The following ANO2 variants were observed in gnomAD, a reference collection of about 807,000 sequenced individuals.
ANO2 encodes the protein anoctamin 2.
ANO2 carries 101 observed loss-of-function variants against 124.2 expected under a neutral mutation model. That is an observed-to-expected ratio of 0.81 (90% confidence interval 0.69 to 0.96). The LOEUF (loss-of-function observed/expected upper bound fraction) is 0.96, where lower values mean the gene tolerates loss of function less well. ANO2 is among the 40% of genes least tolerant of loss of function. The pLI, the probability that ANO2 is intolerant of heterozygous loss-of-function variation, is 0.00. For missense variants in ANO2, 1,293 were observed against 1,274.5 expected (o/e 1.01, Z -0.22); for synonymous variants, 486 against 482.5 (o/e 1.01, Z -0.09).
In ANO2 at chr12:5,636,791, T is replaced by TG. The variant is rs1946039375; in HGVS notation, c.1621-1445dup. ...GAATGACACTCCAGTGGCTTGCTAA[T>TG]GGGTGGCAGATGTGTCCAGGTATGG... On this transcript the variant is annotated intron_variant, in intron 15 of 24. Coordinates refer to ENST00000682330, the MANE Select transcript of ANO2 (RefSeq NM_001364791.2). This position sits in a 1 kb window ranked among gnomAD's most constrained non-coding sequence, Gnocchi z 4.6. 6.6e-6 allele frequency among the ~76,000 whole-genome samples: 1 copy of TG among 151,992 alleles called. No homozygotes were observed. Among genetic ancestry groups the TG allele is most frequent in the African/African-American group, 2.4e-5 (1 of 41,400 alleles).
intron 3 of ANO2, among the ~76,000 whole-genome samples, chr12:5,888,918 C>T (rs563538999): frequency 5.9e-5 from 9 of 152,322 alleles, no homozygotes; most frequent in South Asian, 4.1e-4. Flanking sequence ...CTTGGGTGGT[C>T]GAAGGGACTG....
intron 14 of ANO2, among the ~76,000 whole-genome samples, chr12:5,708,863 A>T (rs1466050245): frequency 3.3e-5 from 5 of 152,238 alleles, no homozygotes; most frequent in Admixed American, 2.0e-4. Flanking sequence ...AGACTAGCCT[A>T]GCTTCTCCTG....
At chr12:5,928,595 AT>A (rs1942208054) in intron 1 of ANO2, among the ~76,000 whole-genome samples, 11 of 144,838 alleles carry the variant, frequency 7.6e-5, no homozygotes, top group African/African-American at 1.6e-4. Context: ...TTACTAGTCT[AT>A]CTTCTTTCCT....
chr12:5,647,354 C>T (rs16933703), intron 15 of ANO2, among the ~76,000 whole-genome samples: 7,763 of 152,296 alleles, frequency 0.051, 223 homozygotes, highest in South Asian at 0.068. Flanking sequence ...AAGGATCACA[C>T]TTACCGAGCC....
At chr12:5,914,508 G>C (rs550612515) in intron 3 of ANO2, among the ~76,000 whole-genome samples, 2 of 152,262 alleles carry the variant, frequency 1.3e-5, no homozygotes, top group East Asian at 3.9e-4. Context: ...CCCGAAAGCA[G>C]CTGTGGGCCC....
chr12:5,925,718 C>T lies in ANO2; in HGVS notation c.23-2914G>A, dbSNP rs781207355. 2.0e-5 allele frequency among the ~76,000 whole-genome samples: 3 copies of T among 152,218 alleles called. No homozygotes were observed. The highest frequency in any genetic ancestry group is 2.9e-5 in the Non-Finnish European group (2 of 68,044). On this transcript the variant is annotated intron_variant, in intron 1 of 24. Transcript: ENST00000682330. The surrounding 1 kb of genome is among the most constrained non-coding windows in gnomAD (Gnocchi z 4.6). ...TGGAAAGAATCTTTCCTTCCTTCACCGTTGCCTTGGCTCTCCTTCCACGCT... is the reference window on the plus strand; with the variant it reads ...TGGAAAGAATCTTTCCTTCCTTCACTGTTGCCTTGGCTCTCCTTCCACGCT...
chr12:5,740,019 G>C (rs986429835), intron 12 of ANO2: 1 of 454,566 alleles, frequency 2.2e-6, no homozygotes, highest in Non-Finnish European at 4.4e-6. Flanking sequence ...GTTGTAGAAT[G>C]CCTGCCACAC....
intron 10 of ANO2, among the ~76,000 whole-genome samples, chr12:5,760,516 A>G (rs1951707221): frequency 6.6e-6 from 1 of 152,214 alleles, no homozygotes; most frequent in Admixed American, 6.5e-5. Flanking sequence ...TACCTATGGT[A>G]AGATCTAATT....
intron 14 of ANO2, among the ~76,000 whole-genome samples, chr12:5,662,044 G>A (rs558707375): frequency 1.3e-5 from 2 of 152,330 alleles, no homozygotes; most frequent in South Asian, 4.1e-4. Flanking sequence ...CCACCCTCAA[G>A]CTGATTACAG....
intron 10 of ANO2, among the ~76,000 whole-genome samples, chr12:5,786,445 C>T (rs1044338558): frequency 2.0e-5 from 3 of 152,082 alleles, no homozygotes; most frequent in Non-Finnish European, 2.9e-5. Context: ...TTGAAAGAGG[C>T]CTCAGACATG....
intron 7 of ANO2, among the ~76,000 whole-genome samples, chr12:5,808,003 G>C (rs940048939): frequency 1.3e-5 from 2 of 152,236 alleles, no homozygotes; most frequent in Non-Finnish European, 2.9e-5. Context: ...ATAGTGGGGT[G>C]TTGTGGCACA....
chr12:5,635,642 A>T lies in ANO2; in HGVS notation c.1621-295T>A, dbSNP rs542304343. Among the ~76,000 whole-genome samples, 8 of 149,238 alleles carry T rather than the reference A, an allele frequency of 5.4e-5. No individual in the cohort carries two copies. The highest frequency in any genetic ancestry group is 1.3e-4 in the Admixed American group (2 of 15,098). On this transcript the variant is annotated intron_variant, in intron 15 of 24. Coordinates refer to ENST00000682330, the MANE Select transcript of ANO2 (RefSeq NM_001364791.2). This position sits in a 1 kb window ranked among gnomAD's most constrained non-coding sequence, Gnocchi z 5.2. ...ACACACACACACAATAAGGATGAAC[A>T]TGCTGGACCCTGTGGAGTGTTCAAC...
At chr12:5,570,668 C>T (rs572282746) in intron 23 of ANO2, among the ~76,000 whole-genome samples, 5 of 152,190 alleles carry the variant, frequency 3.3e-5, no homozygotes, top group East Asian at 1.9e-4. Context: ...CTGAAGTCAA[C>T]GATCAGTAAC....
intron 14 of ANO2, among the ~76,000 whole-genome samples, chr12:5,649,889 T>TCCGC (rs1363461314): frequency 1.3e-5 from 2 of 152,156 alleles, no homozygotes; most frequent in Admixed American, 1.3e-4. Context: ...CGTGATCTGA[T>TCCGC]CCGCCTGCCT....
chr12:5,781,437 G>A (rs925232695), intron 10 of ANO2, among the ~76,000 whole-genome samples: 2 of 152,184 alleles, frequency 1.3e-5, no homozygotes, highest in Non-Finnish European at 2.9e-5. Flanking sequence ...CTGTTTCTCT[G>A]ATGTTGGTTA....
chr12:5,609,476 G>C (rs1944376629), intron 19 of ANO2, among the ~76,000 whole-genome samples: 1 of 150,572 alleles, frequency 6.6e-6, no homozygotes, highest in African/African-American at 2.5e-5. Context: ...CCTTGAAGCA[G>C]GGCTCTCATT....
chr12:5,885,164 G>A (rs999972463), intron 3 of ANO2, among the ~76,000 whole-genome samples: 8 of 152,134 alleles, frequency 5.3e-5, no homozygotes, highest in East Asian at 3.9e-4. Flanking sequence ...CCACCACCCC[G>A]TCCCCACTCC....
At chr12:5,684,201 A>G (rs1007156389) in intron 14 of ANO2, among the ~76,000 whole-genome samples, 4 of 152,178 alleles carry the variant, frequency 2.6e-5, no homozygotes, top group Admixed American at 2.6e-4. Context: ...TCTGTCAGCA[A>G]GCAGCCCCAC....
At chr12:5,812,920 AAG>A (rs764172194) in intron 7 of ANO2, among the ~76,000 whole-genome samples, 57 of 145,830 alleles carry the variant, frequency 3.9e-4, no homozygotes, top group African/African-American at 1.4e-3. Flanking sequence ...AAGAAAAAGA[AAG>A]AGAGAGAAAG....
Sources: allele counts gnomAD v4.1 joint callset (sites outside exome capture counted in the v4.1 genomes callset), GRCh38; gene constraint gnomAD v4.1.1; non-coding constraint Gnocchi (gnomAD v3.1); transcripts MANE v1.5; gene names NCBI Gene and HGNC (gene_info 2026-07-23, HGNC 2026-07-21).